Variants in ELK4 observed in about 807,000 individuals in gnomAD.
ELK4 encodes the protein ETS domain-containing protein Elk-4.
A neutral mutation model predicts 29.6 loss-of-function variants in ELK4; 16 were observed. That is an observed-to-expected ratio of 0.54 (90% confidence interval 0.37 to 0.82). ELK4 has a LOEUF of 0.82. Among genes scored for constraint, ELK4 ranks in the 40% least tolerant of loss-of-function variants. ELK4 has a pLI of 0.00. For missense variants in ELK4, 465 were observed against 507.1 expected, an observed-to-expected ratio of 0.92 and a Z score of 0.80; for synonymous variants, 213 against 191.1, an observed-to-expected ratio of 1.11 and a Z score of -0.95.
At chr1:205,622,575 G>T (rs1184866075) in intron 2 of ELK4, among the ~76,000 whole-genome samples, 1 of 152,016 alleles carries the variant, frequency 6.6e-6, no homozygotes, top group Admixed American at 6.6e-5. Flanking sequence ...GTAGAGACGG[G>T]GTCTCCCTGT....
chr1:205,621,193 TAAAAAAAAAAAAAAAAA>T (rs61338827), intron 2 of ELK4, among the ~76,000 whole-genome samples: 1 of 77,452 alleles, frequency 1.3e-5, no homozygotes, highest in Non-Finnish European at 2.5e-5. Flanking sequence ...GAGTCTGTCT[TAAAAAAAAAAAAAAAAA>T]AAAAAAAAAG....
chr1:205,630,119 A>C (rs144592909), intron 1 of ELK4, among the ~76,000 whole-genome samples: 1 of 152,230 alleles, frequency 6.6e-6, no homozygotes, highest in East Asian at 1.9e-4. Context: ...GAGGCTAATT[A>C]CTTGATTTTC....
chr1:205,623,313 T>C (rs746720538), intron 2 of ELK4, among the ~76,000 whole-genome samples: 3 of 108,930 alleles, frequency 2.8e-5, no homozygotes, highest in Non-Finnish European at 5.3e-5. Flanking sequence ...ACAAGGAATC[T>C]TTTTTTTTTT....
intron 3 of ELK4, chr1:205,619,424 C>A: frequency 9.4e-7 from 1 of 1,060,088 alleles, no homozygotes; most frequent in East Asian, 5.5e-5. Context: ...AAAAACCAAC[C>A]TGAATTCAGG....
At chr1:205,626,408 C>T (rs1483351338) in intron 1 of ELK4, among the ~76,000 whole-genome samples, 2 of 152,150 alleles carry the variant, frequency 1.3e-5, no homozygotes, top group African/African-American at 4.8e-5. Context: ...TTGTCAGTCT[C>T]TGTCACATCC....
intron 1 of ELK4, among the ~76,000 whole-genome samples, chr1:205,630,524 T>A (rs1325688570): frequency 6.6e-6 from 1 of 152,204 alleles, no homozygotes; most frequent in Non-Finnish European, 1.5e-5. Flanking sequence ...TATGAATGTA[T>A]CAAGCCTAGT....
At chr1:205,627,322 A>G (rs886199142) in intron 1 of ELK4, among the ~76,000 whole-genome samples, 2 of 152,112 alleles carry the variant, frequency 1.3e-5, no homozygotes, top group Non-Finnish European at 2.9e-5. Flanking sequence ...ATCCTGTCTA[A>G]CACAGTGAAA....
In ELK4 at chr1:205,613,097, T is replaced by C. The variant is rs1269483493; in HGVS notation, c.*3449A>G. 1.0e-5 allele frequency: 2 copies of C among 199,816 alleles called. No homozygotes were observed. Among genetic ancestry groups the C allele is most frequent in the Non-Finnish European group, 2.0e-5 (2 of 97,580 alleles). 12.4% of individuals were successfully genotyped at this position (199,816 alleles called of 1,614,324 possible). A position where few individuals can be genotyped will look rare whatever the true frequency, so the allele number is the denominator to read the frequency against. On this transcript the variant is annotated 3_prime_UTR_variant, in exon 5 of 5. Transcript: ENST00000357992. ...TTAAAAAAAAAAAAATCAATGGAAA[T>C]TTCCACCTTTGTTCGAACACATAAA...
rs1015335973 is a variant in ELK4, at chr1:205,624,987, A to G, written c.-9-1096T>C. Among the ~76,000 whole-genome samples the G allele has an allele frequency of 2.0e-4, 31 of 152,330 alleles. 1 individual carries two copies. Among genetic ancestry groups the G allele is most frequent in the African/African-American group, 7.0e-4 (29 of 41,580 alleles). On this transcript the variant is annotated intron_variant, in intron 1 of 4. Transcript: ENST00000357992. The stretch of plus-strand genomic sequence containing the variant: ...GGGCAGAAACTCTGGCCAAATCCGT[A>G]TAAGTGTGTCCTAAGAATCTTATGA...
intron 2 of ELK4, among the ~76,000 whole-genome samples, chr1:205,621,490 C>A (rs1438793226): frequency 6.6e-6 from 1 of 152,094 alleles, no homozygotes; most frequent in Admixed American, 6.5e-5. Flanking sequence ...AGGTATAAGC[C>A]ATACACATCC....
In ELK4 at chr1:205,620,353, TG is replaced by T; in HGVS notation, c.692del (p.Pro231GlnfsTer15). The T allele has an allele frequency of 6.2e-7, 1 of 1,614,184 alleles. No individual in the cohort carries two copies. Among genetic ancestry groups the T allele is most frequent in the Non-Finnish European group, 8.5e-7 (1 of 1,180,028 alleles). On this transcript the variant is annotated frameshift_variant, in exon 3 of 5. Transcript: ENST00000357992. LOFTEE classifies it high-confidence loss of function. ...TTGGGGCTTCCAGGGAAGGCAGTTTTGGGGAAACCAATGTCTCCAAAGCTTG... is the reference window on the plus strand; with the variant it reads ...TTGGGGCTTCCAGGGAAGGCAGTTTTGGGAAACCAATGTCTCCAAAGCTTG... ...TIQALETLVSPKLPSLEAPTS... is the reference protein window; with the variant it reads ...TIQALETLVSXKLPSLEAPTS...
Position 205,631,617 on chromosome 1 carries a change from G to A in ELK4, c.-10+15C>T. The A allele has an allele frequency of 3.3e-6, 1 of 302,636 alleles. No individual in the cohort carries two copies. Among genetic ancestry groups the A allele is most frequent in the South Asian group, 2.4e-5 (1 of 41,566 alleles). The allele number at this position is 302,636 out of a possible 1,614,324, so 18.7% of individuals were successfully genotyped here. A position where few individuals can be genotyped will look rare whatever the true frequency, so the allele number is the denominator to read the frequency against. ...CCGCGAGATCCCGAGGGGGCGCGCGGGGCTGACCGCTCACCGACGCCGCGC... is the reference window on the plus strand; with the variant it reads ...CCGCGAGATCCCGAGGGGGCGCGCGAGGCTGACCGCTCACCGACGCCGCGC... On this transcript the variant is annotated intron_variant, in intron 1 of 4. Transcript: ENST00000357992.
chr1:205,617,965 A>ATGTGTGTGTG (rs71773934), intron 4 of ELK4, among the ~76,000 whole-genome samples: 2,168 of 147,546 alleles, frequency 0.015, 29 homozygotes, highest in South Asian at 0.028. Context: ...TCCCCCATAT[A>ATGTGTGTGTG]TGTGTGTGTG....
rs1432572000 is a variant in ELK4 at position 205,620,924 on chromosome 1, C to T, written c.208-86G>A. The T allele has an allele frequency of 1.5e-5, 21 of 1,398,630 alleles. No homozygotes were observed. The East Asian group carries it at 3.6e-4, about 24-fold the overall frequency. 86.6% of individuals were successfully genotyped at this position (1,398,630 alleles called of 1,614,324 possible). A position where few individuals can be genotyped will look rare whatever the true frequency, so the allele number is the denominator to read the frequency against. On this transcript the variant is annotated intron_variant, in intron 2 of 4. Transcript: ENST00000357992. ...TGAAAAAGCTGGCATCGGCCAGGCA[C>T]AGTGGCTCATGCCTGTAATCCCAGC...
chr1:205,616,586 G>C lies in ELK4; in HGVS notation c.1256C>G (p.Ser419Cys), dbSNP rs762553361. ...PFTLSGLDGP[S>C]TPGPFSPDLQ... is the part of the protein sequence containing the mutation. ...GTCTGGGGAAAATGGGCCAGGGGTG[G>C]AAGGTCCATCCAGCCCAGACAGAGT... is the stretch of plus-strand genomic sequence containing the variant. The change falls in exon 5 of 5, where the codon TCC becomes TGC. Residue 419 changes from serine (S) to cysteine (C), a missense_variant. By Grantham distance (112) the Ser-to-Cys change is moderately radical (BLOSUM62 -1). Coordinates refer to ENST00000357992, the MANE Select transcript of ELK4 (RefSeq NM_001973.4). 1 of 1,614,164 alleles carries C rather than the reference G, an allele frequency of 6.2e-7. No individual in the cohort carries two copies. The highest frequency in any genetic ancestry group is 8.5e-7 in the Non-Finnish European group (1 of 1,180,028).
intron 4 of ELK4, 81 bp downstream of exon 4, chr1:205,618,876 T>G (rs1670278527): frequency 9.6e-7 from 1 of 1,047,114 alleles, no homozygotes; most frequent in East Asian, 2.5e-5. Flanking sequence ...ATGATTAAAC[T>G]GAATAGTGGG....
intron 4 of ELK4, among the ~76,000 whole-genome samples, chr1:205,617,816 G>A (rs1571496255): frequency 6.6e-6 from 1 of 152,164 alleles, no homozygotes; most frequent in East Asian, 1.9e-4. Context: ...CAGGAGAACC[G>A]CTTGAACCCA....
chr1:205,615,433 C>T lies in ELK4; in HGVS notation c.*1113G>A, dbSNP rs116633300. On this transcript the variant is annotated 3_prime_UTR_variant, in exon 5 of 5. Coordinates refer to ENST00000357992, the MANE Select transcript of ELK4 (RefSeq NM_001973.4). ...AAAAAAAAGGAAATAAGCACATCTTCGCTCCTGACTGGGGAGGCTTCACTT... is the reference window on the plus strand; with the variant it reads ...AAAAAAAAGGAAATAAGCACATCTTTGCTCCTGACTGGGGAGGCTTCACTT... The T allele has an allele frequency of 4.6e-3, 779 of 168,996 alleles. 6 individuals are homozygous for T. Among genetic ancestry groups the T allele is most frequent in the African/African-American group, 0.018 (740 of 41,302 alleles). 10.5% of individuals were successfully genotyped at this position (168,996 alleles called of 1,614,324 possible). A position where few individuals can be genotyped will look rare whatever the true frequency, so the allele number is the denominator to read the frequency against.
Position 205,622,233 on chromosome 1 carries a change from A to G in ELK4, c.208-1395T>C, listed in dbSNP as rs113121307. Reference sequence around the variant, plus strand: ...CGTCTCAAACAAACAAACAAAAAAAAGTGAAAGAAATTAAGATCTCAGCAA... The same window carrying G: ...CGTCTCAAACAAACAAACAAAAAAAGGTGAAAGAAATTAAGATCTCAGCAA... On this transcript the variant is annotated intron_variant, in intron 2 of 4. Coordinates refer to ENST00000357992, the MANE Select transcript of ELK4 (RefSeq NM_001973.4). Among the ~76,000 whole-genome samples, 719 of 152,302 alleles carry G rather than the reference A, an allele frequency of 4.7e-3. 4 individuals carry two copies. The highest frequency in any genetic ancestry group is 0.017 in the African/African-American group (688 of 41,568).
Sources: gnomAD v4.1 joint callset for allele counts (sites outside exome capture counted in the v4.1 genomes callset) on GRCh38, gnomAD v4.1.1 for gene constraint, MANE v1.5 for transcripts, NCBI Gene and HGNC (gene_info 2026-07-23, HGNC 2026-07-21) for gene names.